Variants in TEP1 observed in about 807,000 individuals in gnomAD.
TEP1 encodes telomerase protein component 1.
TEP1 carries 241 observed loss-of-function variants against 306.3 expected under a neutral mutation model. The observed-to-expected ratio is 0.79, with a 90% CI of 0.71 to 0.88. The LOEUF (loss-of-function observed/expected upper bound fraction) is 0.88. Among genes scored for constraint, TEP1 ranks in the 40% least tolerant of loss-of-function variants. The probability of loss-of-function intolerance (pLI) is 0.00; values close to 1 mark genes in which losing one functional copy is unlikely to be tolerated. For synonymous variants in TEP1, 1,289 were observed against 1,305.5 expected, an observed-to-expected ratio of 0.99 and a Z score of 0.27; for missense variants, 3,051 against 3,276.1, an observed-to-expected ratio of 0.93 and a Z score of 1.68.
intron 3 of TEP1, among the ~76,000 whole-genome samples, chr14:20,405,874 C>T (rs1325166532): frequency 6.6e-6 from 1 of 151,938 alleles, no homozygotes; most frequent in African/African-American, 2.4e-5. Context: ...ATTAGCCAGG[C>T]ATGGCAGTGC....
intron 49 of TEP1, 124 bp downstream of exon 49, chr14:20,372,609 T>C (rs1884914242): frequency 7.0e-7 from 1 of 1,422,536 alleles, no homozygotes; most frequent in East Asian, 2.3e-5. Context: ...CAGAAAATAA[T>C]GTCCCACTCA....
chr14:20,404,356 C>CAA (rs34000493), intron 5 of TEP1, among the ~76,000 whole-genome samples: 32,246 of 95,070 alleles, frequency 0.34, 4,939 homozygotes, highest in East Asian at 0.51. Flanking sequence ...ACTCCGTCTC[C>CAA]AAAAAAAAAA....
intron 49 of TEP1, among the ~76,000 whole-genome samples, chr14:20,371,943 C>G (rs1259664516): frequency 6.6e-6 from 1 of 152,194 alleles, no homozygotes; most frequent in Non-Finnish European, 1.5e-5. Flanking sequence ...ATCTCCACAG[C>G]CCAGGTCAGG....
At chr14:20,375,234 G>A (rs532322125) in intron 43 of TEP1, among the ~76,000 whole-genome samples, 10 of 152,170 alleles carry the variant, frequency 6.6e-5, no homozygotes, top group Admixed American at 2.0e-4. Flanking sequence ...GTGCAATGGC[G>A]CGACCTCTGC....
At chr14:20,378,678 C>G in intron 37 of TEP1, 76 bp downstream of exon 37, 2 of 1,579,286 alleles carry the variant, frequency 1.3e-6, no homozygotes, top group Non-Finnish European at 1.7e-6. Flanking sequence ...CAGCCTCTGC[C>G]GCACTGAGAG....
In TEP1 at chr14:20,381,491, GGTCCTGGCCTC is replaced by G; in HGVS notation, c.4558+51_4558+61del. On this transcript the variant is annotated intron_variant, in intron 31 of 54. Coordinates refer to ENST00000262715, the MANE Select transcript of TEP1 (RefSeq NM_007110.5). This position sits in a 1 kb window ranked among gnomAD's most constrained non-coding sequence, Gnocchi z 4.0. ...GCCAGCAGATGGGAGCACAGTGGGT[GGTCCTGGCCTC>G]CAGGCCCAAGCCCCACACTCAGTGC... 1.2e-6 allele frequency: 2 copies of G among 1,612,644 alleles called. No individual in the cohort carries two copies. The highest frequency in any genetic ancestry group is 2.7e-5 in the African/African-American group (2 of 75,052).
rs1237512057 is a variant in TEP1, at chr14:20,401,441, G to A, written c.1391+16C>T. Reference sequence around the variant, plus strand: ...ATTACTTAGATGGAATGCATGCTCAGGGTGCAGCTTCTCACCTGTAACCCA... The same window carrying A: ...ATTACTTAGATGGAATGCATGCTCAAGGTGCAGCTTCTCACCTGTAACCCA... On this transcript the variant is annotated intron_variant, in intron 8 of 54. Coordinates refer to ENST00000262715, the MANE Select transcript of TEP1 (RefSeq NM_007110.5). 9 of 1,613,422 alleles carry A rather than the reference G, an allele frequency of 5.6e-6. No homozygotes were observed. The South Asian group carries it at 9.9e-5, about 18-fold the overall frequency.
chr14:20,380,051 G>A lies in TEP1; in HGVS notation c.5006C>T (p.Ser1669Phe), dbSNP rs1478599843. The change falls in exon 35 of 55, where the codon TCC becomes TTC. Residue 1669 changes from serine to phenylalanine, a missense_variant and splice_region_variant. Physicochemically the swap from Ser to Phe is radical, Grantham distance 155. Coordinates refer to ENST00000262715, the MANE Select transcript of TEP1 (RefSeq NM_007110.5). ...TGAGGAAACTGCCAGAGACAGGCTG[G>A]AGCTAGAGAAAGAGTAGGAAGAAAG... is the stretch of plus-strand genomic sequence containing the variant. Reference protein sequence around the residue: ...KPRTMKNQQSSSLSLAVSSSP... With the variant: ...KPRTMKNQQSFSLSLAVSSSP... 7 of 1,609,454 alleles carry A rather than the reference G, an allele frequency of 4.3e-6. No individual in the cohort carries two copies. The highest frequency in any genetic ancestry group is 2.2e-5 in the East Asian group (1 of 44,876).
At position 20,378,824 on chromosome 14, in the gene TEP1, T is replaced by A. The variant is rs202036056; in HGVS notation, c.5282A>T (p.Gln1761Leu). ...TGGGCTCAGGCAGCAGCCAGTGATT[T>A]GGTACTGGTGAGCCTTAGTCTGCAG... ...RVLQTKAHQY[Q>L]ITGCCLSPDC... Residue 1761 changes from glutamine to leucine, a missense_variant, in exon 37 of 55, where the codon CAA becomes CTA. Physicochemically the swap from Gln to Leu is moderately radical, Grantham distance 113. This residue lies in a region of TEP1 where 1,540 missense variants were observed against 1,705.9 expected (regional missense o/e 0.90). Coordinates refer to ENST00000262715, the MANE Select transcript of TEP1 (RefSeq NM_007110.5). 2.9e-5 allele frequency: 47 copies of A among 1,614,180 alleles called. No individual in the cohort carries two copies. The highest frequency in any genetic ancestry group is 3.7e-5 in the Non-Finnish European group (44 of 1,180,018).
In TEP1 at chr14:20,383,743, C is replaced by T. The variant is rs138928722; in HGVS notation, c.3710G>A (p.Arg1237Gln). The stretch of plus-strand genomic sequence containing the variant: ...GCTGGGCTCATTGGGGGATACCCAC[C>T]GGTAGGTGCTGGGGAGGGCACCTGG... ...KEPGALPSTY[R>Q]SLVWELQQRL... Residue 1237 changes from arginine (R) to glutamine (Q), a missense_variant and splice_region_variant, in exon 25 of 55, where the codon CGA becomes CAA. Transcript: ENST00000262715. The T allele has an allele frequency of 1.1e-4, 181 of 1,610,664 alleles. No individual in the cohort carries two copies. The African/African-American group carries it at 1.5e-3, about 13-fold the overall frequency.
At chr14:20,388,180 G>GA in intron 17 of TEP1, 117 bp from the exon 18 acceptor site, 1 of 1,107,238 alleles carries the variant, frequency 9.0e-7, no homozygotes. Context: ...GTTAAGTCAA[G>GA]CTCCTTAAGA....
chr14:20,384,759 C>A, intron 21 of TEP1, 46 bp from the exon 22 acceptor site: 1 of 1,572,664 alleles, frequency 6.4e-7, no homozygotes. Context: ...CAGACCCCAG[C>A]CAGCCTCCCT....
rs771747875 is a variant in TEP1, at chr14:20,408,550, G to A, written c.-24-87C>T. 91 of 1,027,066 alleles carry A rather than the reference G, an allele frequency of 8.9e-5. No homozygotes were observed. In the Middle Eastern group the frequency reaches 9.2e-4, roughly 10 times the overall value. The allele number at this position is 1,027,066 out of a possible 1,614,324, so 63.6% of individuals were successfully genotyped here. On this transcript the variant is annotated intron_variant, in intron 1 of 54. Transcript: ENST00000262715. ...AGCATATCTTCCCCACAGCCCTCCT[G>A]ATAATGCCAATGATTTGTGGGTAGA...
Position 20,369,678 on chromosome 14 carries a change from T to G in TEP1, c.7419A>C (p.Glu2473Asp), listed in dbSNP as rs576018081. The change falls in exon 52 of 55, where the codon GAA (glutamate) becomes GAC (aspartate). Residue 2473 changes from glutamate (E) to aspartate (D), a missense_variant. Coordinates refer to ENST00000262715, the MANE Select transcript of TEP1 (RefSeq NM_007110.5). Reference sequence around the variant, plus strand: ...GGTCCTCCTGTTACCACTCACCAGATTCAGGTTTGGCTTGAGTTATCGATA... The same window carrying G: ...GGTCCTCCTGTTACCACTCACCAGAGTCAGGTTTGGCTTGAGTTATCGATA... ...TLISITQAKP[E>D]SESSFLCASS... The G allele has an allele frequency of 2.5e-6, 4 of 1,614,052 alleles. No individual in the cohort carries two copies. In the African/African-American group the frequency reaches 5.3e-5, roughly 22 times the overall value.
At chr14:20,369,064 G>A (rs1884657819) in intron 53 of TEP1, among the ~76,000 whole-genome samples, 162 bp from the exon 54 acceptor site, 1 of 151,680 alleles carries the variant, frequency 6.6e-6, no homozygotes, top group Non-Finnish European at 1.5e-5. Context: ...CTGGAGTGCA[G>A]TGGCGCAATC....
chr14:20,379,910 C>T lies in TEP1; in HGVS notation c.5127+20G>A, dbSNP rs368042308. ...ATGGATTTTCAGAGGGTAAATTCTG[C>T]CCCTCCTTGATTGTCATACCTGCCA... On this transcript the variant is annotated intron_variant, in intron 35 of 54. Coordinates refer to ENST00000262715, the MANE Select transcript of TEP1 (RefSeq NM_007110.5). 8 of 1,600,908 alleles carry T rather than the reference C, an allele frequency of 5.0e-6. No homozygotes were observed. The African/African-American group carries it at 9.4e-5, about 19-fold the overall frequency.
At position 20,368,411 on chromosome 14, in the gene TEP1, T is replaced by G. The variant is rs200563732; in HGVS notation, c.*26A>C. The G allele has an allele frequency of 7.4e-6, 12 of 1,611,240 alleles. No individual in the cohort carries two copies. Among genetic ancestry groups the G allele is most frequent in the Non-Finnish European group, 1.0e-5 (12 of 1,177,758 alleles). On this transcript the variant is annotated 3_prime_UTR_variant, in exon 55 of 55. Transcript: ENST00000262715. ...GGCTTTGCATCTCTAGCACAAGGGG[T>G]ATCATTATTCCCGAGTGGCACATCT...
rs1285236314 is a variant in TEP1 at position 20,365,678 on chromosome 14, A to G, written c.*2759T>C. 1.3e-5 allele frequency: 2 copies of G among 152,182 alleles called. No individual in the cohort carries two copies. Among genetic ancestry groups the G allele is most frequent in the Non-Finnish European group, 2.9e-5 (2 of 68,032 alleles). The allele number at this position is 152,182 out of a possible 1,614,324, so 9.4% of individuals were successfully genotyped here. A position where few individuals can be genotyped will look rare whatever the true frequency, so the allele number is the denominator to read the frequency against. ...AAAAGCACACAAAATACAAGCCTCC[A>G]TTTTTATTATTAAATTTGTCAGATA... On this transcript the variant is annotated 3_prime_UTR_variant, in exon 55 of 55. Coordinates refer to ENST00000262715, the MANE Select transcript of TEP1 (RefSeq NM_007110.5).
intron 9 of TEP1, among the ~76,000 whole-genome samples, chr14:20,398,000 G>A (rs61996766): frequency 0.36 from 54,226 of 151,700 alleles, 10,006 homozygotes; most frequent in Non-Finnish European, 0.4. Context: ...TGATCTGCCT[G>A]CCTCGGCCTC....
Sources: gnomAD v4.1 joint callset for allele counts (sites outside exome capture counted in the v4.1 genomes callset) on GRCh38, gnomAD v4.1.1 for gene constraint, gnomAD v4.1.1 regional missense constraint, Gnocchi (gnomAD v3.1) non-coding constraint, MANE v1.5 for transcripts, NCBI Gene and HGNC (gene_info 2026-07-23, HGNC 2026-07-21) for gene names.